SLC9A1: variants seen among roughly 807,000 people sequenced by gnomAD.
SLC9A1 encodes the protein solute carrier family 9 member A1.
SLC9A1 carries 22 observed loss-of-function variants against 67.9 expected under a neutral mutation model. The ratio of observed to expected loss-of-function variants is 0.32; its 90% CI spans 0.23 to 0.46. SLC9A1 has a LOEUF of 0.46. Among genes scored for constraint, SLC9A1 ranks in the 20% least tolerant of loss-of-function variants. The pLI is 1.00. For synonymous variants in SLC9A1, 421 were observed against 471.8 expected, an observed-to-expected ratio of 0.89 and a Z score of 1.40; for missense variants, 686 against 1,094.8, an observed-to-expected ratio of 0.63 and a Z score of 5.27.
chr1:27,140,712 T>C (rs865936845), intron 1 of SLC9A1, among the ~76,000 whole-genome samples: 12 of 152,170 alleles, frequency 7.9e-5, no homozygotes, highest in South Asian at 2.1e-4. Flanking sequence ...CAAAATTGAG[T>C]GCTTTTATAG....
chr1:27,149,708 A>G (rs1339924823), intron 1 of SLC9A1, among the ~76,000 whole-genome samples: 3 of 152,198 alleles, frequency 2.0e-5, no homozygotes, highest in Non-Finnish European at 4.4e-5. Context: ...GGATGAGGCA[A>G]GTCAGGTTCA....
Position 27,102,119 on chromosome 1 carries a change from G to C in SLC9A1, c.1832C>G (p.Pro611Arg), listed in dbSNP as rs1179288894. Residue 611 changes from proline to arginine, a missense_variant, in exon 9 of 12, where the codon CCC becomes CGC. Physicochemically the swap from Pro to Arg is moderately radical, Grantham distance 103. Around this residue, in one of 7 missense-constraint regions of SLC9A1, gnomAD observed 226 missense variants for 282.4 expected, o/e 0.80. Coordinates refer to ENST00000263980, the MANE Select transcript of SLC9A1 (RefSeq NM_003047.5). ...GATGCGCTCGGAAGGCAGGGACTTGGGGTGGATGTTCCTGGGGCAATAGGG... is the reference window on the plus strand; with the variant it reads ...GATGCGCTCGGAAGGCAGGGACTTGCGGTGGATGTTCCTGGGGCAATAGGG... ...VSTVSMQNIH[P>R]KSLPSERILP... 3.1e-6 allele frequency: 5 copies of C among 1,613,438 alleles called. No homozygotes were observed. The highest frequency in any genetic ancestry group is 4.2e-6 in the Non-Finnish European group (5 of 1,179,466).
In SLC9A1 at chr1:27,106,742, C is replaced by T. The variant is rs2083187563; in HGVS notation, c.1283-655G>A. On this transcript the variant is annotated intron_variant, in intron 4 of 11. Coordinates refer to ENST00000263980, the MANE Select transcript of SLC9A1 (RefSeq NM_003047.5). This position sits in a 1 kb window ranked among gnomAD's most constrained non-coding sequence, Gnocchi z 4.3. ...TCCCCACGTGTGCCCCGGCCTGCTG[C>T]ATAGGTTTGGAGGACTGCACGTGGC... is the stretch of plus-strand genomic sequence containing the variant. Among the ~76,000 whole-genome samples, 2 of 152,026 alleles carry T rather than the reference C, an allele frequency of 1.3e-5. No individual in the cohort carries two copies. Among genetic ancestry groups the T allele is most frequent in the African/African-American group, 2.4e-5 (1 of 41,358 alleles).
At chr1:27,149,335 C>T (rs186684799) in intron 1 of SLC9A1, among the ~76,000 whole-genome samples, 1 of 152,352 alleles carries the variant, frequency 6.6e-6, no homozygotes, top group African/African-American at 2.4e-5. Flanking sequence ...TGAAGATAAC[C>T]TCTCTGAGCC....
intron 6 of SLC9A1, 107 bp from the exon 7 acceptor site, chr1:27,102,850 G>C: frequency 2.9e-6 from 3 of 1,021,060 alleles, no homozygotes; most frequent in Non-Finnish European, 4.5e-6. Context: ...GCTGGGTCCA[G>C]CCCTGTGGTT....
At chr1:27,135,649 G>A (rs1167056141) in intron 1 of SLC9A1, among the ~76,000 whole-genome samples, 6 of 151,784 alleles carry the variant, frequency 4.0e-5, no homozygotes, top group African/African-American at 1.2e-4. Context: ...AAAACCCTAC[G>A]GAGTACAAGA....
intron 1 of SLC9A1, among the ~76,000 whole-genome samples, chr1:27,132,607 C>T (rs2083393463): frequency 6.6e-6 from 1 of 152,198 alleles, no homozygotes; most frequent in Admixed American, 6.5e-5. Context: ...GGCAGAGAGC[C>T]TAGCATAGGA....
intron 2 of SLC9A1, among the ~76,000 whole-genome samples, chr1:27,112,661 A>T (rs1478246291): frequency 6.6e-6 from 1 of 152,136 alleles, no homozygotes; most frequent in African/African-American, 2.4e-5. Context: ...AGGTGGGCGG[A>T]TCACCTGAGG....
Position 27,100,148 on chromosome 1 carries a change from G to A in SLC9A1, c.*159C>T. 2.0e-6 allele frequency: 1 copy of A among 509,182 alleles called. No individual in the cohort carries two copies. Among genetic ancestry groups the A allele is most frequent in the Admixed American group, 3.7e-5 (1 of 27,022 alleles). The allele number at this position is 509,182 out of a possible 1,614,324, so 31.5% of individuals were successfully genotyped here. On this transcript the variant is annotated 3_prime_UTR_variant, in exon 12 of 12. Coordinates refer to ENST00000263980, the MANE Select transcript of SLC9A1 (RefSeq NM_003047.5). This position sits in a 1 kb window ranked among gnomAD's most constrained non-coding sequence, Gnocchi z 5.6. ...GGATGCTTCCCGGGAGGCGGCAGGG[G>A]AGGAGCTGTGCTGGGGTGGGGGCTG...
chr1:27,135,018 G>A (rs765791199), intron 1 of SLC9A1, among the ~76,000 whole-genome samples: 2 of 151,886 alleles, frequency 1.3e-5, no homozygotes, highest in African/African-American at 2.4e-5. Context: ...TTACAGGCAT[G>A]AGCCACCATG....
At chr1:27,111,210 C>G (rs1159002208) in intron 2 of SLC9A1, among the ~76,000 whole-genome samples, 1 of 152,156 alleles carries the variant, frequency 6.6e-6, no homozygotes, top group Non-Finnish European at 1.5e-5. Context: ...GTGGGCTAAA[C>G]TCATTCCTGG....
chr1:27,151,382 C>T (rs909063597), intron 1 of SLC9A1, among the ~76,000 whole-genome samples: 6 of 151,914 alleles, frequency 3.9e-5, no homozygotes, highest in East Asian at 1.9e-4. Context: ...TATTTAGAGA[C>T]GGAATTTCAC....
chr1:27,101,767 C>T lies in SLC9A1; in HGVS notation c.1995G>A (p.Gln665=). 1 of 1,613,414 alleles carries T rather than the reference C, an allele frequency of 6.2e-7. No individual in the cohort carries two copies. Among genetic ancestry groups the T allele is most frequent in the Non-Finnish European group, 8.5e-7 (1 of 1,179,966 alleles). The change falls in exon 10 of 12, where the codon CAG becomes CAA. Residue 665 remains glutamine, a synonymous_variant. Coordinates refer to ENST00000263980, the MANE Select transcript of SLC9A1 (RefSeq NM_003047.5). This position sits in a 1 kb window ranked among gnomAD's most constrained non-coding sequence, Gnocchi z 4.9. ...VADPYEEAWN[Q]MLLRRQKARQ... is the part of the protein sequence containing the mutation. ...GGGCCTTCTGCCTCCGGAGCAGCATCTGGTTCCAGGCTTCCTCGTAGGGGT... is the reference window on the plus strand; with the variant it reads ...GGGCCTTCTGCCTCCGGAGCAGCATTTGGTTCCAGGCTTCCTCGTAGGGGT...
At chr1:27,105,637 A>C (rs1223103928) in intron 5 of SLC9A1, 2 of 686,418 alleles carry the variant, frequency 2.9e-6, no homozygotes, top group Non-Finnish European at 5.4e-6. Context: ...TTCCAAATTA[A>C]GTTGGGCAGC....
Position 27,109,916 on chromosome 1 carries a change from G to C in SLC9A1, c.814-139C>G. On this transcript the variant is annotated intron_variant, in intron 2 of 11. Coordinates refer to ENST00000263980, the MANE Select transcript of SLC9A1 (RefSeq NM_003047.5). This position sits in a 1 kb window ranked among gnomAD's most constrained non-coding sequence, Gnocchi z 5.5. ...GCCACACGGTAGCAGAGAAACCCTA[G>C]TGCCAAGCAGGTGCTCAAAACCTCA... The C allele has an allele frequency of 1.0e-6, 1 of 1,002,528 alleles. No individual in the cohort carries two copies. The highest frequency in any genetic ancestry group is 1.5e-6 in the Non-Finnish European group (1 of 682,520). The allele number at this position is 1,002,528 out of a possible 1,614,324, so 62.1% of individuals were successfully genotyped here. A position where few individuals can be genotyped will look rare whatever the true frequency, so the allele number is the denominator to read the frequency against.
chr1:27,153,188 T>C (rs1384796038), intron 1 of SLC9A1, among the ~76,000 whole-genome samples: 1 of 152,074 alleles, frequency 6.6e-6, no homozygotes, highest in Non-Finnish European at 1.5e-5. Context: ...TCTACTTGAT[T>C]GAGCAGCAGG....
chr1:27,123,215 T>C (rs1344371590), intron 1 of SLC9A1, among the ~76,000 whole-genome samples: 3 of 152,230 alleles, frequency 2.0e-5, no homozygotes, highest in Non-Finnish European at 4.4e-5. Flanking sequence ...AACAGTCATA[T>C]AAGTGTTTAA....
intron 1 of SLC9A1, among the ~76,000 whole-genome samples, chr1:27,149,522 G>A (rs559806711): frequency 6.6e-6 from 1 of 152,354 alleles, no homozygotes; most frequent in Admixed American, 6.5e-5. Flanking sequence ...AAGGCCTAAT[G>A]CCACTGTTAT....
intron 1 of SLC9A1, among the ~76,000 whole-genome samples, chr1:27,141,524 C>G (rs1012261648): frequency 6.6e-6 from 1 of 152,208 alleles, no homozygotes; most frequent in Non-Finnish European, 1.5e-5. Flanking sequence ...TTCCCAGGTA[C>G]GAAATTCTCT....
Sources: allele counts gnomAD v4.1 joint callset (sites outside exome capture counted in the v4.1 genomes callset), GRCh38; gene constraint gnomAD v4.1.1; regional missense constraint gnomAD v4.1.1; non-coding constraint Gnocchi (gnomAD v3.1); transcripts MANE v1.5; gene names NCBI Gene and HGNC (gene_info 2026-07-23, HGNC 2026-07-21).